The following ARID1B variants were observed in gnomAD, a reference collection of about 807,000 sequenced individuals.
ARID1B encodes AT-rich interaction domain 1B.
A neutral mutation model predicts 212.3 loss-of-function variants in ARID1B; 30 were observed. The ratio of observed to expected loss-of-function variants is 0.14; its 90% CI spans 0.11 to 0.19. The LOEUF is 0.19. Among genes scored for constraint, ARID1B ranks in the 10% least tolerant of loss-of-function variants. The pLI, the probability that ARID1B is intolerant of heterozygous loss-of-function variation, is 1.00. For missense variants in ARID1B, 2,891 were observed against 3,204.0 expected (o/e 0.90, Z 2.36); for synonymous variants, 1,402 against 1,301.7 (o/e 1.08, Z -1.66).
At chr6:156,896,614 C>T (rs1257320190) in intron 2 of ARID1B, among the ~76,000 whole-genome samples, 2 of 143,530 alleles carry the variant, frequency 1.4e-5, no homozygotes, top group African/African-American at 5.3e-5. Context: ...GACACAGTGG[C>T]TCACGCCTGT....
intron 4 of ARID1B, among the ~76,000 whole-genome samples, chr6:156,993,791 C>T (rs1245102558): frequency 6.6e-6 from 1 of 152,146 alleles, no homozygotes; most frequent in East Asian, 1.9e-4. Flanking sequence ...TGACTTGTTG[C>T]TGTTAACTCT....
chr6:156,794,015 G>A (rs1780185755), intron 1 of ARID1B, among the ~76,000 whole-genome samples: 1 of 152,112 alleles, frequency 6.6e-6, no homozygotes, highest in African/African-American at 2.4e-5. Flanking sequence ...TTTTTCTGGT[G>A]CTAAAGCCTA....
At chr6:157,134,662 G>T (rs1788795063) in intron 7 of ARID1B, among the ~76,000 whole-genome samples, 1 of 152,236 alleles carries the variant, frequency 6.6e-6, no homozygotes, top group Admixed American at 6.5e-5. Context: ...TTGTTGCAGA[G>T]CAGAGGCAGG....
chr6:157,206,461 C>A lies in ARID1B; in HGVS notation c.5689C>A (p.Pro1897Thr), dbSNP rs1168537042. ...ALTAPDAAADPKEKPKQASKF... is the reference protein window; with the variant it reads ...ALTAPDAAADTKEKPKQASKF... The stretch of plus-strand genomic sequence containing the variant: ...GACTGCCCCGGACGCCGCTGCAGAC[C>A]CAAAGGAGAAGCCCAAGCAAGCCAG... The change falls in exon 20 of 20, where the codon CCA (proline) becomes ACA (threonine). Residue 1897 changes from proline (P) to threonine (T), a missense_variant. By Grantham distance (38) the Pro-to-Thr change is conservative. Around this residue, in one of 7 missense-constraint regions of ARID1B, gnomAD observed 332 missense variants for 369.2 expected, o/e 0.90. Transcript: ENST00000636930. This position sits in a 1 kb window ranked among gnomAD's most constrained non-coding sequence, Gnocchi z 6.8. The A allele has an allele frequency of 3.1e-6, 5 of 1,613,894 alleles. No individual in the cohort carries two copies. Among genetic ancestry groups the A allele is most frequent in the African/African-American group, 2.7e-5 (2 of 74,888 alleles).
In ARID1B at chr6:156,779,490, G is replaced by A. The variant is rs374013482; in HGVS notation, c.1791+19G>A. On this transcript the variant is annotated intron_variant, in intron 1 of 19. Coordinates refer to ENST00000636930, the MANE Select transcript of ARID1B (RefSeq NM_001374828.1). Reference sequence around the variant, plus strand: ...ATCCCAGGTAACCCTCGCGCCAGCCGGGCCTGCTTCCGCCCGGCGGCCTCG... The same window carrying A: ...ATCCCAGGTAACCCTCGCGCCAGCCAGGCCTGCTTCCGCCCGGCGGCCTCG... 1.5e-6 allele frequency: 2 copies of A among 1,339,440 alleles called. No homozygotes were observed. Among genetic ancestry groups the A allele is most frequent in the South Asian group, 1.7e-5 (1 of 57,748 alleles). 83.0% of individuals were successfully genotyped at this position (1,339,440 alleles called of 1,614,324 possible). A position where few individuals can be genotyped will look rare whatever the true frequency, so the allele number is the denominator to read the frequency against.
At chr6:156,863,492 T>C (rs1239857688) in intron 2 of ARID1B, among the ~76,000 whole-genome samples, 7 of 152,156 alleles carry the variant, frequency 4.6e-5, no homozygotes. Context: ...AGTTTGGTTT[T>C]GGATATACTG....
intron 4 of ARID1B, chr6:157,071,633 A>C (rs1362549294): frequency 6.6e-6 from 1 of 152,240 alleles, no homozygotes; most frequent in Admixed American, 6.5e-5. Flanking sequence ...AGTGGTATTC[A>C]TTGTTTCCTG....
rs959099776 is a variant in ARID1B, at chr6:156,894,529, A to T, written c.1987-6847A>T. Among the ~76,000 whole-genome samples, 3 of 152,194 alleles carry T rather than the reference A, an allele frequency of 2.0e-5. No individual in the cohort carries two copies. The East Asian group carries it at 5.8e-4, about 29-fold the overall frequency. On this transcript the variant is annotated intron_variant, in intron 2 of 19. Coordinates refer to ENST00000636930, the MANE Select transcript of ARID1B (RefSeq NM_001374828.1). ...TCTTTAGACATGGAAGATAAGGAGA[A>T]AGGTGCTCATTCTTTTACACAGCAA...
At chr6:156,879,074 C>T (rs1786823509) in intron 2 of ARID1B, among the ~76,000 whole-genome samples, 1 of 152,220 alleles carries the variant, frequency 6.6e-6, no homozygotes, top group African/African-American at 2.4e-5. Context: ...TGGAGGCTCT[C>T]CTCCGCACCA....
chr6:156,827,603 A>T, intron 1 of ARID1B, among the ~76,000 whole-genome samples: 1 of 152,130 alleles, frequency 6.6e-6, no homozygotes, highest in East Asian at 1.9e-4. Flanking sequence ...TTCGTGCTTC[A>T]CGTGGATCCA....
chr6:156,781,822 T>TCTTC (rs746419147), intron 1 of ARID1B, among the ~76,000 whole-genome samples: 18 of 152,196 alleles, frequency 1.2e-4, no homozygotes, highest in Middle Eastern at 6.8e-3. Flanking sequence ...AAAATTCACA[T>TCTTC]CTTCGTAAAC....
chr6:157,065,470 A>C (rs1783618031), intron 4 of ARID1B, among the ~76,000 whole-genome samples: 2 of 152,232 alleles, frequency 1.3e-5, no homozygotes, highest in African/African-American at 4.8e-5. Flanking sequence ...AGGTGCCTTT[A>C]TGGTACAGTT....
chr6:156,778,973 A>T lies in ARID1B; in HGVS notation c.1293A>T (p.Ala431=). Residue 431 remains alanine, a synonymous_variant, in exon 1 of 20, where the codon GCA becomes GCT. Coordinates refer to ENST00000636930, the MANE Select transcript of ARID1B (RefSeq NM_001374828.1). The part of the protein sequence containing the change: ...AVAAAAAAAA[A]AAGGGGGGGY... Reference sequence around the variant, plus strand: ...CGGCGGCGGCCGCGGCGGCGGCGGCAGCAGCAGGAGGCGGCGGCGGCGGCG... The same window carrying T: ...CGGCGGCGGCCGCGGCGGCGGCGGCTGCAGCAGGAGGCGGCGGCGGCGGCG... 2.4e-6 allele frequency: 3 copies of T among 1,272,450 alleles called. No individual in the cohort carries two copies. The highest frequency in any genetic ancestry group is 3.2e-5 in the East Asian group (1 of 31,166). 78.8% of individuals were successfully genotyped at this position (1,272,450 alleles called of 1,614,324 possible).
chr6:157,123,974 C>T (rs112991041), intron 6 of ARID1B, among the ~76,000 whole-genome samples: 2,461 of 152,348 alleles, frequency 0.016, 41 homozygotes, highest in Admixed American at 0.034. Context: ...CTCACAGCTT[C>T]GCAGTGGCTG....
intron 13 of ARID1B, 132 bp downstream of exon 13, chr6:157,184,567 G>T: frequency 1.9e-6 from 2 of 1,066,172 alleles, no homozygotes; most frequent in Non-Finnish European, 2.8e-6. Flanking sequence ...TTCCTGTGTC[G>T]TTTTGTTTAT....
In ARID1B at chr6:157,206,698, G is replaced by C. The variant is rs183921218; in HGVS notation, c.5926G>C (p.Ala1976Pro). The C allele has an allele frequency of 3.1e-6, 5 of 1,612,528 alleles. No homozygotes were observed. The Admixed American group carries it at 6.7e-5, about 22-fold the overall frequency. The stretch of plus-strand genomic sequence containing the variant: ...GCGCCCACCTCCCCCCTTAAGCTCC[G>C]CAGGTAGAAAGAAAGAGCAAGAAGG... Reference protein sequence around the residue: ...RRRPPPPLSSAGRKKEQEGKG... With the variant: ...RRRPPPPLSSPGRKKEQEGKG... Residue 1976 changes from alanine to proline, a missense_variant, in exon 20 of 20, where the codon GCA becomes CCA. Around this residue, in one of 7 missense-constraint regions of ARID1B, gnomAD observed 332 missense variants for 369.2 expected, o/e 0.90. Coordinates refer to ENST00000636930, the MANE Select transcript of ARID1B (RefSeq NM_001374828.1). This position sits in a 1 kb window ranked among gnomAD's most constrained non-coding sequence, Gnocchi z 6.8.
intron 4 of ARID1B, among the ~76,000 whole-genome samples, chr6:157,072,906 A>C (rs1277637459): frequency 1.3e-5 from 2 of 152,226 alleles, no homozygotes; most frequent in Non-Finnish European, 2.9e-5. Flanking sequence ...AAGGCTTTAC[A>C]ACCTGGGCTG....
intron 1 of ARID1B, among the ~76,000 whole-genome samples, chr6:156,786,028 A>G (rs557997295): frequency 1.3e-5 from 2 of 152,308 alleles, no homozygotes; most frequent in African/African-American, 4.8e-5. Context: ...GGTTGAGGGT[A>G]TTTGTTGAGA....
chr6:157,161,431 GTATATATATATA>G (rs199731974), intron 8 of ARID1B, among the ~76,000 whole-genome samples: 5 of 139,380 alleles, frequency 3.6e-5, no homozygotes, highest in Non-Finnish European at 7.7e-5. Context: ...TTGTGTGTGT[GTATATATATATA>G]TATATATATA....
Sources: gnomAD v4.1 joint callset for allele counts (sites outside exome capture counted in the v4.1 genomes callset) on GRCh38, gnomAD v4.1.1 for gene constraint, gnomAD v4.1.1 regional missense constraint, Gnocchi (gnomAD v3.1) non-coding constraint, MANE v1.5 for transcripts, NCBI Gene and HGNC (gene_info 2026-07-23, HGNC 2026-07-21) for gene names.